BMPR1A: variants seen among roughly 807,000 people sequenced by gnomAD.
BMPR1A encodes bone morphogenetic protein receptor type-1A.
A neutral mutation model predicts 66.0 loss-of-function variants in BMPR1A; 7 were observed. The ratio of observed to expected loss-of-function variants is 0.11; its 90% CI spans 0.06 to 0.20. The LOEUF is 0.20. Among genes scored for constraint, BMPR1A ranks in the 10% least tolerant of loss-of-function variants. The probability of loss-of-function intolerance (pLI) is 1.00; values close to 1 mark genes in which losing one functional copy is unlikely to be tolerated. For synonymous variants in BMPR1A, 200 were observed against 229.7 expected (o/e 0.87, Z 1.17); for missense variants, 408 against 669.1 (o/e 0.61, Z 4.31).
rs543059983 is a variant in BMPR1A, at chr10:86,902,100, TC to T, written c.530+1976del. ...GTCTCAAACTCCTGACCTCAAGTGA[TC>T]CACCCACCTCGCCCTCCCAAATTGC... On this transcript the variant is annotated intron_variant, in intron 7 of 12. Coordinates refer to ENST00000372037, the MANE Select transcript of BMPR1A (RefSeq NM_004329.3). 9.5e-4 allele frequency among the ~76,000 whole-genome samples: 144 copies of T among 152,262 alleles called. 4 individuals carry two copies. The South Asian group carries it at 0.03, about 32-fold the overall frequency.
chr10:86,810,121 C>T (rs7475622), intron 1 of BMPR1A, among the ~76,000 whole-genome samples: 1,524 of 152,048 alleles, frequency 0.01, 34 homozygotes, highest in African/African-American at 0.034. Context: ...CAGGCGCCCA[C>T]CACCACGCCC....
intron 8 of BMPR1A, among the ~76,000 whole-genome samples, chr10:86,913,289 A>ATTTT (rs36002213): frequency 0.02 from 2,370 of 118,968 alleles, 51 homozygotes; most frequent in African/African-American, 0.042. Context: ...CACCAGGCTA[A>ATTTT]TTTTTTTTTT....
At chr10:86,792,413 A>G (rs1380523896) in intron 1 of BMPR1A, among the ~76,000 whole-genome samples, 1 of 152,220 alleles carries the variant, frequency 6.6e-6, no homozygotes, top group African/African-American at 2.4e-5. Flanking sequence ...GCATACTGCT[A>G]AAAATTATAA....
Position 86,896,415 on chromosome 10 carries a change from ATT to A in BMPR1A, c.334-3376_334-3375del, listed in dbSNP as rs150470014. Reference sequence around the variant, plus strand: ...ATAATGATTATGATAAACTAGAATAATTTTCTAAGACTTAAAGACATACAGTT... The same window carrying A: ...ATAATGATTATGATAAACTAGAATAATTCTAAGACTTAAAGACATACAGTT... On this transcript the variant is annotated intron_variant, in intron 5 of 12. Coordinates refer to ENST00000372037, the MANE Select transcript of BMPR1A (RefSeq NM_004329.3). Among the ~76,000 whole-genome samples the A allele has an allele frequency of 4.6e-5, 7 of 152,316 alleles. No individual in the cohort carries two copies. In the East Asian group the frequency reaches 1.4e-3, roughly 29 times the overall value.
intron 1 of BMPR1A, among the ~76,000 whole-genome samples, chr10:86,771,517 G>C (rs1267315543): frequency 6.6e-6 from 1 of 152,182 alleles, no homozygotes; most frequent in African/African-American, 2.4e-5. Flanking sequence ...CAGAGGTTAA[G>C]TAGCTTGTCA....
chr10:86,843,859 C>T (rs1564701152), intron 2 of BMPR1A, among the ~76,000 whole-genome samples: 1 of 152,006 alleles, frequency 6.6e-6, no homozygotes, highest in Non-Finnish European at 1.5e-5. Flanking sequence ...GGTAGGGAGC[C>T]GAGTGAGGAG....
At chr10:86,923,205 CATAA>C (rs1459652691) in intron 11 of BMPR1A, among the ~76,000 whole-genome samples, 167 bp from the exon 12 acceptor site, 3 of 151,944 alleles carry the variant, frequency 2.0e-5, no homozygotes, top group Non-Finnish European at 4.4e-5. Context: ...AATAGTTGGA[CATAA>C]ATAAGAGAAA....
chr10:86,895,874 C>A (rs1331115117), intron 5 of BMPR1A, among the ~76,000 whole-genome samples: 2 of 152,116 alleles, frequency 1.3e-5, no homozygotes, highest in African/African-American at 4.8e-5. Context: ...CAAAAATTAG[C>A]TGGGCCTGGT....
intron 2 of BMPR1A, among the ~76,000 whole-genome samples, chr10:86,846,965 C>T (rs1842493440): frequency 6.6e-6 from 1 of 151,136 alleles, no homozygotes; most frequent in South Asian, 2.1e-4. Flanking sequence ...AGTTTGGGTG[C>T]TTTAATTTTA....
intron 1 of BMPR1A, among the ~76,000 whole-genome samples, chr10:86,772,126 G>GTTTTTTT (rs777280640): frequency 4.5e-5 from 4 of 88,880 alleles, no homozygotes; most frequent in African/African-American, 9.6e-5. Context: ...TCAGAGATAG[G>GTTTTTTT]TTTTTTTTTT....
intron 1 of BMPR1A, among the ~76,000 whole-genome samples, chr10:86,835,243 AAAAAAG>A (rs1295790089): frequency 3.3e-5 from 4 of 119,670 alleles, no homozygotes; most frequent in Non-Finnish European, 5.6e-5. Flanking sequence ...TTTAAAAAGA[AAAAAAG>A]AAAAAAAAAA....
intron 10 of BMPR1A, 75 bp downstream of exon 10, chr10:86,919,544 T>G: frequency 6.4e-7 from 1 of 1,565,922 alleles, no homozygotes; most frequent in Non-Finnish European, 8.8e-7. Context: ...GTATTCAAGA[T>G]AATGGAATTC....
chr10:86,854,305 C>G (rs1344377452), intron 2 of BMPR1A, among the ~76,000 whole-genome samples: 4 of 152,134 alleles, frequency 2.6e-5, no homozygotes, highest in African/African-American at 9.7e-5. Flanking sequence ...CACACGTGCT[C>G]TACAATTTGT....
intron 1 of BMPR1A, among the ~76,000 whole-genome samples, chr10:86,778,835 T>G (rs1258121535): frequency 6.6e-6 from 1 of 152,164 alleles, no homozygotes; most frequent in Admixed American, 6.5e-5. Context: ...ATGTGGTGAT[T>G]AACTTTCTGT....
At chr10:86,859,245 A>T (rs543042773) in intron 2 of BMPR1A, among the ~76,000 whole-genome samples, 24 of 152,358 alleles carry the variant, frequency 1.6e-4, no homozygotes, top group Non-Finnish European at 3.1e-4. Context: ...CTTTCACCAT[A>T]TACAAAAATA....
chr10:86,799,023 A>T (rs1346428694), intron 1 of BMPR1A, among the ~76,000 whole-genome samples: 1 of 152,246 alleles, frequency 6.6e-6, no homozygotes, highest in East Asian at 1.9e-4. Context: ...AGCTGACTTC[A>T]ATTTTACTTG....
intron 2 of BMPR1A, among the ~76,000 whole-genome samples, chr10:86,866,399 C>CTTTTTTTTTTTTCTTTTTT (rs1842785864): frequency 2.9e-5 from 2 of 69,476 alleles, no homozygotes; most frequent in African/African-American, 1.1e-4. Flanking sequence ...AAGTTTCTTT[C>CTTTTTTTTTTTTCTTTTTT]TTTTTTTTTT....
chr10:86,895,549 A>T (rs1358034241), intron 5 of BMPR1A, among the ~76,000 whole-genome samples: 1 of 152,120 alleles, frequency 6.6e-6, no homozygotes, highest in Non-Finnish European at 1.5e-5. Context: ...AAAAAAAAAA[A>T]ATTATGGGAC....
intron 1 of BMPR1A, among the ~76,000 whole-genome samples, chr10:86,787,501 T>C (rs930632885): frequency 3.3e-5 from 5 of 152,216 alleles, no homozygotes; most frequent in African/African-American, 1.2e-4. Flanking sequence ...ATGCTGTCTG[T>C]ATTTAATCCC....
Sources: gnomAD v4.1 joint callset for allele counts (sites outside exome capture counted in the v4.1 genomes callset) on GRCh38, gnomAD v4.1.1 for gene constraint, MANE v1.5 for transcripts, NCBI Gene and HGNC (gene_info 2026-07-23, HGNC 2026-07-21) for gene names.